The following CNTNAP5 variants were observed in gnomAD, a reference collection of about 807,000 sequenced individuals.
CNTNAP5 encodes contactin associated protein family member 5.
CNTNAP5 carries 72 observed loss-of-function variants against 150.2 expected under a neutral mutation model. The ratio of observed to expected loss-of-function variants is 0.48; its 90% CI spans 0.40 to 0.58. The LOEUF (loss-of-function observed/expected upper bound fraction) is 0.58. Ranked by LOEUF, CNTNAP5 falls within the 20% of genes least tolerant of loss-of-function variation. The pLI, the probability that CNTNAP5 is intolerant of heterozygous loss-of-function variation, is 0.00. For missense variants in CNTNAP5, 1,636 were observed against 1,626.2 expected (o/e 1.01, Z -0.10); for synonymous variants, 672 against 619.8 (o/e 1.08, Z -1.25).
At chr2:124,303,510 G>T (rs1688614327) in intron 3 of CNTNAP5, among the ~76,000 whole-genome samples, 1 of 152,146 alleles carries the variant, frequency 6.6e-6, no homozygotes, top group African/African-American at 2.4e-5. Context: ...ACCAAGACAG[G>T]TGTTCAAGTT....
intron 10 of CNTNAP5, among the ~76,000 whole-genome samples, chr2:124,562,091 G>T (rs1156641315): frequency 1.3e-5 from 2 of 152,010 alleles, no homozygotes; most frequent in African/African-American, 4.8e-5. Context: ...TAACCCAAAG[G>T]CACCATGTAG....
At position 124,563,332 on chromosome 2, in the gene CNTNAP5, A is replaced by T; in HGVS notation, c.1756+9A>T. 1 of 1,526,704 alleles carries T rather than the reference A, an allele frequency of 6.6e-7. No individual in the cohort carries two copies. The highest frequency in any genetic ancestry group is 8.9e-7 in the Non-Finnish European group (1 of 1,121,954). The allele number at this position is 1,526,704 out of a possible 1,614,324, so 94.6% of individuals were successfully genotyped here. The stretch of plus-strand genomic sequence containing the variant: ...TGCCACCTGCCACAACTGTGAGTAG[A>T]TTGATCATTTGCCCCTGGTGGCTTG... On this transcript the variant is annotated intron_variant, in intron 11 of 23. Transcript: ENST00000682447.
At chr2:124,198,066 T>A (rs932419161) in intron 1 of CNTNAP5, among the ~76,000 whole-genome samples, 29 of 152,004 alleles carry the variant, frequency 1.9e-4, no homozygotes, top group African/African-American at 7.0e-4. Flanking sequence ...AAACTTCATA[T>A]TGAAAGAAAC....
chr2:124,133,411 G>A (rs1683906215), intron 1 of CNTNAP5, among the ~76,000 whole-genome samples: 2 of 152,126 alleles, frequency 1.3e-5, no homozygotes, highest in Non-Finnish European at 2.9e-5. Flanking sequence ...CTAAGCTTCC[G>A]TACAGTCTGA....
intron 7 of CNTNAP5, among the ~76,000 whole-genome samples, chr2:124,477,588 T>C (rs1693670511): frequency 6.6e-6 from 1 of 151,974 alleles, no homozygotes; most frequent in Admixed American, 6.6e-5. Flanking sequence ...CTGACAATTC[T>C]GCAACTTATC....
chr2:124,220,646 G>C (rs1371231081), intron 1 of CNTNAP5, among the ~76,000 whole-genome samples: 1 of 152,124 alleles, frequency 6.6e-6, no homozygotes, highest in Non-Finnish European at 1.5e-5. Context: ...TAAAGGCTGG[G>C]AAGTTGAATA....
chr2:124,231,056 A>G (rs1416446592), intron 2 of CNTNAP5, among the ~76,000 whole-genome samples: 1 of 152,186 alleles, frequency 6.6e-6, no homozygotes, highest in African/African-American at 2.4e-5. Context: ...GACATCCACC[A>G]GGAGCTTGTT....
intron 19 of CNTNAP5, among the ~76,000 whole-genome samples, chr2:124,840,329 G>A (rs1332103854): frequency 6.6e-6 from 1 of 152,052 alleles, no homozygotes; most frequent in African/African-American, 2.4e-5. Flanking sequence ...GGGAAGGCTT[G>A]GGCATTACAG....
At chr2:124,208,077 T>C (rs1043505182) in intron 1 of CNTNAP5, among the ~76,000 whole-genome samples, 9 of 152,116 alleles carry the variant, frequency 5.9e-5, no homozygotes, top group Non-Finnish European at 8.8e-5. Context: ...TTTTAGCCTG[T>C]CCCCAAAAAA....
Position 124,803,112 on chromosome 2 carries a change from C to CAAA in CNTNAP5, c.3217+4805_3217+4807dup, listed in dbSNP as rs762676238. ...GCTGGGCGACAGAGCAAGACTCCTTCAAAAAAAAAAAAAAAGAAGTCTAGT... is the reference window on the plus strand; with the variant it reads ...GCTGGGCGACAGAGCAAGACTCCTTCAAAAAAAAAAAAAAAAAAGAAGTCTAGT... On this transcript the variant is annotated intron_variant, in intron 19 of 23. Transcript: ENST00000682447. 9.0e-3 allele frequency among the ~76,000 whole-genome samples: 926 copies of CAAA among 102,356 alleles called. 14 individuals carry two copies. The highest frequency in any genetic ancestry group is 0.027 in the African/African-American group (816 of 29,702). 67.1% of individuals were successfully genotyped at this position (102,356 alleles called of 152,430 possible).
chr2:124,311,039 A>T (rs908435723), intron 3 of CNTNAP5, among the ~76,000 whole-genome samples: 8 of 152,214 alleles, frequency 5.3e-5, no homozygotes, highest in Non-Finnish European at 8.8e-5. Flanking sequence ...GCACTCCAGT[A>T]CTATTGGGTT....
chr2:124,422,734 G>A (rs556792064), intron 4 of CNTNAP5, among the ~76,000 whole-genome samples: 1 of 152,338 alleles, frequency 6.6e-6, no homozygotes, highest in African/African-American at 2.4e-5. Context: ...TGGGCCAAGA[G>A]CTTCTGGGCT....
At chr2:124,055,716 A>G (rs1483871550) in intron 1 of CNTNAP5, among the ~76,000 whole-genome samples, 1 of 152,034 alleles carries the variant, frequency 6.6e-6, no homozygotes, top group African/African-American at 2.4e-5. Context: ...ACAATCCAAT[A>G]TCCTCTGAGG....
intron 12 of CNTNAP5, among the ~76,000 whole-genome samples, chr2:124,642,002 T>G (rs1447736581): frequency 6.6e-6 from 1 of 152,180 alleles, no homozygotes; most frequent in East Asian, 1.9e-4. Context: ...ATAATAATGA[T>G]CATCATAATC....
chr2:124,465,853 T>C (rs1693365156), intron 6 of CNTNAP5, among the ~76,000 whole-genome samples: 1 of 152,126 alleles, frequency 6.6e-6, no homozygotes, highest in South Asian at 2.1e-4. Context: ...ATAAATGCTA[T>C]GAGAAGAACA....
intron 11 of CNTNAP5, among the ~76,000 whole-genome samples, chr2:124,578,375 C>T (rs1696341701): frequency 6.6e-6 from 1 of 151,354 alleles, no homozygotes; most frequent in African/African-American, 2.4e-5. Context: ...AAAAAAACTG[C>T]CCTTGCTTTC....
intron 4 of CNTNAP5, among the ~76,000 whole-genome samples, chr2:124,427,839 C>T (rs1692276912): frequency 6.6e-6 from 1 of 152,144 alleles, no homozygotes; most frequent in Non-Finnish European, 1.5e-5. Flanking sequence ...TCCCCACTGC[C>T]CTTGGCACCC....
intron 13 of CNTNAP5, among the ~76,000 whole-genome samples, chr2:124,690,306 G>A (rs1308956910): frequency 6.6e-6 from 1 of 152,012 alleles, no homozygotes; most frequent in Non-Finnish European, 1.5e-5. Flanking sequence ...CTTTGTATTA[G>A]TTATTTATTT....
rs149500011 is a variant in CNTNAP5, at chr2:124,271,751, G to C, written c.381+29358G>C. On this transcript the variant is annotated intron_variant, in intron 3 of 23. Coordinates refer to ENST00000682447, the MANE Select transcript of CNTNAP5 (RefSeq NM_001367498.1). ...ATTTATTGAGACAGAGTCTTGCTCT[G>C]TTGCCCAGGCTGTAGTGCATTGGCA... is the stretch of plus-strand genomic sequence containing the variant. 6.5e-3 allele frequency among the ~76,000 whole-genome samples: 988 copies of C among 151,020 alleles called. 29 individuals are homozygous for C. Among genetic ancestry groups the C allele is most frequent in the Admixed American group, 0.058 (883 of 15,152 alleles).
Sources: gnomAD v4.1 joint callset for allele counts (sites outside exome capture counted in the v4.1 genomes callset) on GRCh38, gnomAD v4.1.1 for gene constraint, MANE v1.5 for transcripts, NCBI Gene and HGNC (gene_info 2026-07-23, HGNC 2026-07-21) for gene names.